The following EFCC1 variants were observed in gnomAD, a reference collection of about 807,000 sequenced individuals.
The protein encoded by EFCC1 is EF-hand and coiled-coil domain-containing protein 1.
Under a neutral mutation model 52.1 loss-of-function variants are expected in EFCC1, and 50 were observed. The observed-to-expected ratio is 0.96, with a 90% confidence interval of 0.76 to 1.21. EFCC1 has a LOEUF of 1.21. Ranked by LOEUF, EFCC1 falls within the 50% of genes most tolerant of loss-of-function variation. The pLI is 0.00. For missense variants in EFCC1, 837 were observed against 867.3 expected, an observed-to-expected ratio of 0.97 and a Z score of 0.44; for synonymous variants, 399 against 396.5, an observed-to-expected ratio of 1.01 and a Z score of -0.08.
chr3:129,009,568 A>C (rs1945226165), intron 2 of EFCC1, among the ~76,000 whole-genome samples: 1 of 152,174 alleles, frequency 6.6e-6, no homozygotes, highest in Non-Finnish European at 1.5e-5. Context: ...GACTGGCCAA[A>C]CCTTAGTCAC....
intron 4 of EFCC1, 126 bp downstream of exon 4, chr3:129,033,092 C>T: frequency 7.4e-7 from 1 of 1,344,458 alleles, no homozygotes; most frequent in South Asian, 1.6e-5. Context: ...GCGACTCTGT[C>T]CCCTTGTCCC....
chr3:129,002,327 G>A lies in EFCC1; in HGVS notation c.696+3G>A. The A allele has an allele frequency of 6.6e-7, 1 of 1,514,580 alleles. No individual in the cohort carries two copies. The highest frequency in any genetic ancestry group is 8.8e-7 in the Non-Finnish European group (1 of 1,138,638). 93.8% of individuals were successfully genotyped at this position (1,514,580 alleles called of 1,614,324 possible). On this transcript the variant is annotated splice_donor_region_variant and intron_variant, in intron 1 of 7. Transcript: ENST00000683648. ...ATGCGCGCTGCCTAGCACTGCAGGT[G>A]CGCGCCGGCCACGAAGGGAGGGTGG...
intron 1 of EFCC1, among the ~76,000 whole-genome samples, chr3:129,003,134 A>G (rs896280988): frequency 6.6e-6 from 1 of 152,234 alleles, no homozygotes; most frequent in African/African-American, 2.4e-5. Context: ...AGGACACTGC[A>G]GAGTGCAGGG....
At chr3:129,004,368 A>AC (rs1428229958) in intron 2 of EFCC1, among the ~76,000 whole-genome samples, 112 of 44,596 alleles carry the variant, frequency 2.5e-3, no homozygotes, top group Middle Eastern at 0.012. Flanking sequence ...CCATTCACTC[A>AC]CCCCCCCCAC....
At chr3:129,022,116 C>T (rs1159521781) in intron 2 of EFCC1, among the ~76,000 whole-genome samples, 2 of 152,110 alleles carry the variant, frequency 1.3e-5, no homozygotes, top group Admixed American at 1.3e-4. Flanking sequence ...GGATCAATGT[C>T]ATTTTTTTGT....
At chr3:129,039,302 A>C (rs955828066) in intron 7 of EFCC1, among the ~76,000 whole-genome samples, 32 of 152,232 alleles carry the variant, frequency 2.1e-4, no homozygotes, top group Non-Finnish European at 5.9e-5. Flanking sequence ...TTAAGCACTC[A>C]ATAACATGGA....
At chr3:129,023,210 T>C (rs1374072076) in intron 2 of EFCC1, among the ~76,000 whole-genome samples, 2 of 152,182 alleles carry the variant, frequency 1.3e-5, no homozygotes, top group African/African-American at 2.4e-5. Context: ...GTTACAAATA[T>C]ATGCTTCTAA....
intron 2 of EFCC1, among the ~76,000 whole-genome samples, chr3:129,005,370 C>T (rs921544286): frequency 6.6e-6 from 1 of 152,212 alleles, no homozygotes; most frequent in African/African-American, 2.4e-5. Context: ...AGCCCTAGGG[C>T]AGAAGGGACC....
intron 2 of EFCC1, among the ~76,000 whole-genome samples, chr3:129,016,090 A>C (rs1051945502): frequency 1.3e-5 from 2 of 152,178 alleles, no homozygotes; most frequent in African/African-American, 2.4e-5. Flanking sequence ...TTCCAGAATA[A>C]ACTGAGCCCA....
At chr3:129,034,642 T>C (rs1346728833) in intron 5 of EFCC1, among the ~76,000 whole-genome samples, 3 of 152,178 alleles carry the variant, frequency 2.0e-5, no homozygotes, top group Non-Finnish European at 4.4e-5. Flanking sequence ...GCTGTGTTTT[T>C]CTGTAGGAGG....
chr3:129,032,713 T>A (rs1946295619), intron 3 of EFCC1, 106 bp from the exon 4 acceptor site: 1 of 1,441,454 alleles, frequency 6.9e-7, no homozygotes, highest in Non-Finnish European at 9.2e-7. Flanking sequence ...AGAGGGGACA[T>A]GGCACAAGAG....
At chr3:129,004,849 G>C (rs1199713643) in intron 2 of EFCC1, among the ~76,000 whole-genome samples, 1 of 152,094 alleles carries the variant, frequency 6.6e-6, no homozygotes, top group Non-Finnish European at 1.5e-5. Flanking sequence ...AGCTGGACTT[G>C]GGACCCAGGT....
At chr3:129,019,767 T>TTTC (rs1224093728) in intron 2 of EFCC1, among the ~76,000 whole-genome samples, 1 of 146,308 alleles carries the variant, frequency 6.8e-6, no homozygotes, top group Non-Finnish European at 1.5e-5. Context: ...AAATTTACTT[T>TTTC]TTTTTTTTTT....
intron 5 of EFCC1, 48 bp downstream of exon 5, chr3:129,034,377 C>T: frequency 6.3e-7 from 1 of 1,596,980 alleles, no homozygotes; most frequent in Non-Finnish European, 8.5e-7. Flanking sequence ...TAGAGGATCT[C>T]ACAGCTGGAA....
At position 129,009,714 on chromosome 3, in the gene EFCC1, G is replaced by A. The variant is rs113220014; in HGVS notation, c.980+5637G>A. 8.8e-3 allele frequency among the ~76,000 whole-genome samples: 1,337 copies of A among 152,316 alleles called. 21 individuals are homozygous for A. Among genetic ancestry groups the A allele is most frequent in the African/African-American group, 0.03 (1,260 of 41,564 alleles). ...GCCCCTCTCTGGAGCTCGCAGCCCAGTCCTTTTCTTGTCTGGGTAGAATAG... is the reference window on the plus strand; with the variant it reads ...GCCCCTCTCTGGAGCTCGCAGCCCAATCCTTTTCTTGTCTGGGTAGAATAG... On this transcript the variant is annotated intron_variant, in intron 2 of 7. Coordinates refer to ENST00000683648, the MANE Select transcript of EFCC1 (RefSeq NM_001377500.1).
In EFCC1 at chr3:129,001,463, A is replaced by C. The variant is rs1944740598; in HGVS notation, c.-166A>C. 6.6e-6 allele frequency among the ~76,000 whole-genome samples: 1 copy of C among 152,164 alleles called. No homozygotes were observed. The highest frequency in any genetic ancestry group is 1.5e-5 in the Non-Finnish European group (1 of 68,024). ...CTCCAAAGCAACTGGGGTAAACCAGACGCACTGTGAGGCCAGCGCAGCTGC... is the reference window on the plus strand; with the variant it reads ...CTCCAAAGCAACTGGGGTAAACCAGCCGCACTGTGAGGCCAGCGCAGCTGC... On this transcript the variant is annotated 5_prime_UTR_variant, in exon 1 of 8. Transcript: ENST00000683648.
At chr3:129,022,064 G>A (rs891452599) in intron 2 of EFCC1, among the ~76,000 whole-genome samples, 3 of 152,206 alleles carry the variant, frequency 2.0e-5, no homozygotes, top group East Asian at 3.8e-4. Flanking sequence ...AGAACTCACC[G>A]TGTGCTGGTG....
Position 129,030,730 on chromosome 3 carries a change from G to C in EFCC1, c.1008G>C (p.Pro336=). ...YRSEDSQLPT[P]QLANPEPGDK... ...CAGAGGATTCCCAGCTCCCAACCCC[G>C]CAGCTAGCCAACCCAGAGCCAGGAG... Residue 336 remains proline, a synonymous_variant, in exon 3 of 8, where the codon CCG becomes CCC. Transcript: ENST00000683648. The C allele has an allele frequency of 6.4e-7, 1 of 1,551,420 alleles. No individual in the cohort carries two copies. The highest frequency in any genetic ancestry group is 8.7e-7 in the Non-Finnish European group (1 of 1,146,882).
At chr3:129,012,309 G>A (rs886997616) in intron 2 of EFCC1, among the ~76,000 whole-genome samples, 2 of 152,142 alleles carry the variant, frequency 1.3e-5, no homozygotes, top group African/African-American at 2.4e-5. Context: ...CACATAATAA[G>A]CCCTCCTTAA....
Sources: allele counts gnomAD v4.1 joint callset (sites outside exome capture counted in the v4.1 genomes callset), GRCh38; gene constraint gnomAD v4.1.1; transcripts MANE v1.5; gene names NCBI Gene and HGNC (gene_info 2026-07-23, HGNC 2026-07-21).